PLPPR1: variants seen among roughly 807,000 people sequenced by gnomAD.
The protein encoded by PLPPR1 is phospholipid phosphatase-related protein type 1.
A neutral mutation model predicts 33.1 loss-of-function variants in PLPPR1; 10 were observed. That is an observed-to-expected ratio of 0.30 (90% CI 0.19 to 0.51). The LOEUF is 0.51. Among genes scored for constraint, PLPPR1 ranks in the 20% least tolerant of loss-of-function variants. The probability of loss-of-function intolerance (pLI) is 0.97; values close to 1 mark genes in which losing one functional copy is unlikely to be tolerated. For synonymous variants in PLPPR1, 151 were observed against 151.0 expected, an observed-to-expected ratio of 1.00 and a Z score of 0.00; for missense variants, 304 against 408.1, an observed-to-expected ratio of 0.74 and a Z score of 2.20.
chr9:101,285,505 T>G (rs893210986), intron 3 of PLPPR1, among the ~76,000 whole-genome samples: 1 of 152,204 alleles, frequency 6.6e-6, no homozygotes, highest in Non-Finnish European at 1.5e-5. Context: ...GTAATGCAGT[T>G]GAGTAAAGTC....
At chr9:101,090,590 G>A (rs1022071073) in intron 1 of PLPPR1, among the ~76,000 whole-genome samples, 1 of 151,976 alleles carries the variant, frequency 6.6e-6, no homozygotes, top group African/African-American at 2.4e-5. Flanking sequence ...CAGTGTTCAC[G>A]TCTCCGTTTT....
chr9:101,177,366 C>T (rs549434036), intron 1 of PLPPR1, among the ~76,000 whole-genome samples: 3 of 152,190 alleles, frequency 2.0e-5, no homozygotes, highest in South Asian at 4.2e-4. Flanking sequence ...TTTTTCAATG[C>T]TATTGTGAAT....
At chr9:101,065,288 T>G (rs2118475373) in intron 1 of PLPPR1, among the ~76,000 whole-genome samples, 2 of 152,196 alleles carry the variant, frequency 1.3e-5, no homozygotes, top group Middle Eastern at 6.8e-3. Flanking sequence ...AACTTCTTAT[T>G]TGAAAAATGC....
chr9:101,159,604 T>A (rs1831746650), intron 1 of PLPPR1, among the ~76,000 whole-genome samples: 1 of 152,180 alleles, frequency 6.6e-6, no homozygotes, highest in Admixed American at 6.5e-5. Flanking sequence ...TTCTAAATGT[T>A]CTATGAAGGA....
At chr9:101,292,548 C>G (rs1050969782) in intron 4 of PLPPR1, among the ~76,000 whole-genome samples, 4 of 136,636 alleles carry the variant, frequency 2.9e-5, no homozygotes, top group Non-Finnish European at 6.2e-5. Flanking sequence ...AGAGAATGGT[C>G]GGGTAACCCA....
chr9:101,174,720 G>A (rs1246331280), intron 1 of PLPPR1, among the ~76,000 whole-genome samples: 1 of 152,122 alleles, frequency 6.6e-6, no homozygotes, highest in African/African-American at 2.4e-5. Flanking sequence ...ATAAACAAGA[G>A]GAAAGAAATT....
intron 1 of PLPPR1, among the ~76,000 whole-genome samples, chr9:101,167,951 T>G (rs927771497): frequency 1.3e-5 from 2 of 152,106 alleles, no homozygotes; most frequent in African/African-American, 4.8e-5. Context: ...AGGAGCAAAG[T>G]CTTACACAGT....
intron 1 of PLPPR1, among the ~76,000 whole-genome samples, chr9:101,059,946 T>C (rs1830324678): frequency 6.6e-6 from 1 of 151,976 alleles, no homozygotes; most frequent in Admixed American, 6.6e-5. Context: ...ACTACAATAT[T>C]ATCCAGGAAT....
At chr9:101,164,991 C>CA (rs1445898173) in intron 1 of PLPPR1, among the ~76,000 whole-genome samples, 1 of 152,072 alleles carries the variant, frequency 6.6e-6, no homozygotes, top group Non-Finnish European at 1.5e-5. Context: ...TTAGTCACCC[C>CA]TTCCACAGTT....
At chr9:101,070,170 C>T (rs1363943713) in intron 1 of PLPPR1, among the ~76,000 whole-genome samples, 5 of 152,082 alleles carry the variant, frequency 3.3e-5, no homozygotes, top group Admixed American at 6.6e-5. Flanking sequence ...AGACATGCTC[C>T]GACTTCATGG....
At chr9:101,302,659 A>G (rs1182718241) in intron 4 of PLPPR1, among the ~76,000 whole-genome samples, 2 of 152,302 alleles carry the variant, frequency 1.3e-5, no homozygotes, top group South Asian at 2.1e-4. Context: ...TTCCTTAGGT[A>G]TTCCTCTTAC....
intron 1 of PLPPR1, among the ~76,000 whole-genome samples, chr9:101,124,304 A>T (rs1022953790): frequency 6.6e-6 from 1 of 152,094 alleles, no homozygotes. Flanking sequence ...TAACTTCTTC[A>T]TGCTGAATAG....
At chr9:101,043,305 A>G (rs1467714484) in intron 1 of PLPPR1, among the ~76,000 whole-genome samples, 1 of 151,356 alleles carries the variant, frequency 6.6e-6, no homozygotes, top group Non-Finnish European at 1.5e-5. Context: ...ATATGTATGT[A>G]TATATGTGTA....
At chr9:101,138,198 G>A (rs958039838) in intron 1 of PLPPR1, among the ~76,000 whole-genome samples, 1 of 152,164 alleles carries the variant, frequency 6.6e-6, no homozygotes, top group African/African-American at 2.4e-5. Flanking sequence ...TTGCCACTGA[G>A]GTGATTTTGA....
chr9:101,088,695 A>AT (rs768436184), intron 1 of PLPPR1, among the ~76,000 whole-genome samples: 18 of 152,144 alleles, frequency 1.2e-4, no homozygotes, highest in African/African-American at 2.7e-4. Context: ...GCAAAAAGAC[A>AT]TTTTTTTATT....
chr9:101,296,185 A>G (rs1338287603), intron 4 of PLPPR1, among the ~76,000 whole-genome samples: 2 of 151,854 alleles, frequency 1.3e-5, no homozygotes, highest in Non-Finnish European at 2.9e-5. Context: ...GCAGCCAAAA[A>G]ACACATGAAA....
intron 3 of PLPPR1, among the ~76,000 whole-genome samples, chr9:101,279,192 A>G (rs182237996): frequency 1.2e-4 from 18 of 152,342 alleles, no homozygotes; most frequent in Non-Finnish European, 2.2e-4. Context: ...ATACAAGTAA[A>G]TGAGGAAAAC....
chr9:101,090,877 T>G (rs140547787), intron 1 of PLPPR1, among the ~76,000 whole-genome samples: 4 of 152,220 alleles, frequency 2.6e-5, no homozygotes, highest in South Asian at 2.1e-4. Flanking sequence ...TTCATGTGCT[T>G]CTTTTTTTTT....
intron 1 of PLPPR1, among the ~76,000 whole-genome samples, chr9:101,143,476 T>G (rs1265726799): frequency 6.6e-6 from 1 of 152,096 alleles, no homozygotes; most frequent in African/African-American, 2.4e-5. Context: ...TAAACTACCA[T>G]TAGAGTGAAC....
Sources: gnomAD v4.1 joint callset for allele counts (sites outside exome capture counted in the v4.1 genomes callset) on GRCh38, gnomAD v4.1.1 for gene constraint, MANE v1.5 for transcripts, NCBI Gene and HGNC (gene_info 2026-07-23, HGNC 2026-07-21) for gene names.